CREB3L2: variants seen among roughly 807,000 people sequenced by gnomAD.
CREB3L2 encodes the protein cyclic AMP-responsive element-binding protein 3-like protein 2.
In CREB3L2, 23 loss-of-function variants were observed where a neutral mutation model predicts 57.2. The observed-to-expected ratio is 0.40, with a 90% confidence interval of 0.29 to 0.57. The LOEUF (loss-of-function observed/expected upper bound fraction) is 0.57, where lower values mean the gene tolerates loss of function less well. Ranked by LOEUF, CREB3L2 falls within the 20% of genes least tolerant of loss-of-function variation. The pLI, the probability that CREB3L2 is intolerant of heterozygous loss-of-function variation, is 0.42. For missense variants in CREB3L2, 628 were observed against 634.7 expected (o/e 0.99, Z 0.11); for synonymous variants, 268 against 265.1 (o/e 1.01, Z -0.11).
intron 1 of CREB3L2, among the ~76,000 whole-genome samples, chr7:137,933,542 G>A (rs1028830061): frequency 6.6e-6 from 1 of 152,208 alleles, no homozygotes; most frequent in African/African-American, 2.4e-5. Context: ...GGATTATGCA[G>A]TAATTCTCAT....
chr7:137,930,235 A>G (rs781670158), intron 1 of CREB3L2, among the ~76,000 whole-genome samples: 31 of 152,312 alleles, frequency 2.0e-4, no homozygotes, highest in Non-Finnish European at 4.1e-4. Flanking sequence ...GGCACTAGCT[A>G]TTAGAGATTT....
chr7:137,894,633 A>G (rs896567194), intron 8 of CREB3L2, among the ~76,000 whole-genome samples: 1 of 152,194 alleles, frequency 6.6e-6, no homozygotes, highest in African/African-American at 2.4e-5. Context: ...CCAGGATCCT[A>G]GGTACTGGAG....
rs1801699954 is a variant in CREB3L2 at position 137,980,835 on chromosome 7, C to T, written c.102+20769G>A. ...GTGACCAGCTCCTCTCTTTGCCTCT[C>T]CTGCTCTTTACTGATGCACTGGCCC... is the stretch of plus-strand genomic sequence containing the variant. On this transcript the variant is annotated intron_variant, in intron 1 of 11. Coordinates refer to ENST00000330387, the MANE Select transcript of CREB3L2 (RefSeq NM_194071.4). This position sits in a 1 kb window ranked among gnomAD's most constrained non-coding sequence, Gnocchi z 4.3. Among the ~76,000 whole-genome samples, 1 of 152,226 alleles carries T rather than the reference C, an allele frequency of 6.6e-6. No homozygotes were observed.
At chr7:137,906,750 A>G (rs1799898293) in intron 5 of CREB3L2, among the ~76,000 whole-genome samples, 1 of 152,174 alleles carries the variant, frequency 6.6e-6, no homozygotes, top group Non-Finnish European at 1.5e-5. Context: ...CTTTTGTGAG[A>G]GTGAATGAAT....
In CREB3L2 at chr7:137,922,417, T is replaced by TATATATATATATATATATATATATAC. The variant is rs1563253290; in HGVS notation, c.319+5732_319+5733insGTATATATATATATATATATATATAT. On this transcript the variant is annotated intron_variant, in intron 2 of 11. Coordinates refer to ENST00000330387, the MANE Select transcript of CREB3L2 (RefSeq NM_194071.4). Reference sequence around the variant, plus strand: ...ATATATATATATATATATATATATGTATATATATATATATATATACGTATA... The same window carrying TATATATATATATATATATATATATAC: ...ATATATATATATATATATATATATGTATATATATATATATATATATATATACATATATATATATATATATACGTATA... 1.7e-4 allele frequency among the ~76,000 whole-genome samples: 4 copies of TATATATATATATATATATATATATAC among 24,098 alleles called. No homozygotes were observed. In the Admixed American group the frequency reaches 2.4e-3, roughly 15 times the overall value. The allele number at this position is 24,098 out of a possible 152,430, so 15.8% of individuals were successfully genotyped here. A position where few individuals can be genotyped will look rare whatever the true frequency, so the allele number is the denominator to read the frequency against.
At chr7:137,987,574 T>G (rs1185862289) in intron 1 of CREB3L2, among the ~76,000 whole-genome samples, 1 of 152,242 alleles carries the variant, frequency 6.6e-6, no homozygotes, top group African/African-American at 2.4e-5. Flanking sequence ...AAGTCTGTAA[T>G]AGCAGGATGC....
chr7:137,891,446 T>C (rs1481770648), intron 8 of CREB3L2, among the ~76,000 whole-genome samples: 3 of 152,196 alleles, frequency 2.0e-5, no homozygotes, highest in African/African-American at 7.2e-5. Context: ...TTATTGAATG[T>C]TGGACTTTGA....
At chr7:137,886,168 T>C (rs185742251) in intron 8 of CREB3L2, among the ~76,000 whole-genome samples, 332 of 152,346 alleles carry the variant, frequency 2.2e-3, no homozygotes, top group Non-Finnish European at 3.6e-3. Context: ...GTTTATTACA[T>C]TTTGTTATAG....
At chr7:137,901,712 C>A (rs1799762282) in intron 7 of CREB3L2, among the ~76,000 whole-genome samples, 1 of 151,440 alleles carries the variant, frequency 6.6e-6, no homozygotes, top group African/African-American at 2.4e-5. Context: ...AACCCTGTCT[C>A]TACTAAAAAT....
chr7:137,882,487 A>G lies in CREB3L2; in HGVS notation c.1412T>C (p.Val471Ala). The stretch of plus-strand genomic sequence containing the variant: ...CGAGATAATGAAATGGGGAAGATCC[A>G]CATCCGGCCTGGACTCCAGCCCTGA... The part of the protein sequence containing the change: ...RVSGLESRPD[V>A]DLPHFIISNE... Residue 471 changes from valine (V) to alanine (A), a missense_variant, in exon 11 of 12, where the codon GTG becomes GCG. Physicochemically the swap from Val to Ala is moderately conservative, Grantham distance 64. Around this residue, in one of 3 missense-constraint regions of CREB3L2, gnomAD observed 272 missense variants for 242.7 expected, o/e 1.12. Transcript: ENST00000330387. 6.2e-7 allele frequency: 1 copy of G among 1,614,030 alleles called. No individual in the cohort carries two copies.
intron 1 of CREB3L2, among the ~76,000 whole-genome samples, chr7:137,983,214 C>T (rs935689513): frequency 6.6e-6 from 1 of 152,166 alleles, no homozygotes; most frequent in Non-Finnish European, 1.5e-5. Flanking sequence ...CCACACGGCC[C>T]TATGACAAGG....
intron 1 of CREB3L2, among the ~76,000 whole-genome samples, chr7:137,984,702 A>G (rs1261315223): frequency 1.3e-5 from 2 of 152,210 alleles, no homozygotes; most frequent in African/African-American, 4.8e-5. Context: ...GGTTTTTCTA[A>G]AAGCAAACTT....
chr7:137,968,875 G>T (rs1801453172), intron 1 of CREB3L2, among the ~76,000 whole-genome samples: 1 of 152,182 alleles, frequency 6.6e-6, no homozygotes, highest in Non-Finnish European at 1.5e-5. Context: ...AACAAGTCTT[G>T]TGTGTGTCCT....
chr7:137,972,216 G>A (rs945838074), intron 1 of CREB3L2, among the ~76,000 whole-genome samples: 16 of 151,970 alleles, frequency 1.1e-4, no homozygotes, highest in South Asian at 4.2e-4. Context: ...TGAGGCGGGC[G>A]GATCACAATG....
At chr7:137,959,012 C>T (rs1310033171) in intron 1 of CREB3L2, among the ~76,000 whole-genome samples, 2 of 152,184 alleles carry the variant, frequency 1.3e-5, no homozygotes, top group African/African-American at 2.4e-5. Context: ...GAAGTTACTA[C>T]AGTATGTGTG....
intron 8 of CREB3L2, 146 bp from the exon 9 acceptor site, chr7:137,885,648 C>T (rs370056095): frequency 2.5e-5 from 17 of 670,752 alleles, no homozygotes; most frequent in South Asian, 8.1e-5. Flanking sequence ...GAAGAAGATA[C>T]GAACACCAGT....
At chr7:137,952,368 T>A (rs1477016864) in intron 1 of CREB3L2, among the ~76,000 whole-genome samples, 1 of 152,184 alleles carries the variant, frequency 6.6e-6, no homozygotes, top group African/African-American at 2.4e-5. Flanking sequence ...CTCAGCCTCC[T>A]TCCCAACTTC....
intron 4 of CREB3L2, among the ~76,000 whole-genome samples, chr7:137,909,908 A>G (rs925193242): frequency 2.0e-5 from 3 of 152,182 alleles, no homozygotes; most frequent in African/African-American, 7.2e-5. Flanking sequence ...AATAAGCCTC[A>G]TGAGATCTGA....
rs567641973 is a variant in CREB3L2, at chr7:137,930,051, G to A, written c.103-1685C>T. Among the ~76,000 whole-genome samples the A allele has an allele frequency of 4.6e-5, 7 of 151,580 alleles. No individual in the cohort carries two copies. The South Asian group carries it at 1.3e-3, about 27-fold the overall frequency. On this transcript the variant is annotated intron_variant, in intron 1 of 11. Coordinates refer to ENST00000330387, the MANE Select transcript of CREB3L2 (RefSeq NM_194071.4). ...TGGGACTACAGGCACCCGCCACCAC[G>A]TCTGGCTAATTTTTGTTTTGTATTT...
Sources: allele counts gnomAD v4.1 joint callset (sites outside exome capture counted in the v4.1 genomes callset), GRCh38; gene constraint gnomAD v4.1.1; regional missense constraint gnomAD v4.1.1; non-coding constraint Gnocchi (gnomAD v3.1); transcripts MANE v1.5; gene names NCBI Gene and HGNC (gene_info 2026-07-23, HGNC 2026-07-21).